The following MRPL50 variants were observed in gnomAD, a reference collection of about 807,000 sequenced individuals.
MRPL50 encodes the protein mitochondrial ribosomal protein L50, also known as large ribosomal subunit protein mL50.
In MRPL50, 10 loss-of-function variants were observed where a neutral mutation model predicts 16.2. That is an observed-to-expected ratio of 0.62 (90% confidence interval 0.38 to 1.05). The LOEUF (loss-of-function observed/expected upper bound fraction) is 1.05. MRPL50 is among the 50% of genes least tolerant of loss of function. The pLI is 0.01. For missense variants in MRPL50, 213 were observed against 187.1 expected, an observed-to-expected ratio of 1.14 and a Z score of -0.81; for synonymous variants, 68 against 66.8, an observed-to-expected ratio of 1.02 and a Z score of -0.09.
intron 1 of MRPL50, among the ~76,000 whole-genome samples, chr9:101,391,544 T>C (rs1328496083): frequency 3.3e-5 from 5 of 152,114 alleles, no homozygotes; most frequent in Admixed American, 2.0e-4. Flanking sequence ...GCTATACTTA[T>C]ATCAGATAAA....
intron 1 of MRPL50, among the ~76,000 whole-genome samples, chr9:101,394,377 G>A (rs1366332520): frequency 6.6e-6 from 1 of 152,150 alleles, no homozygotes; most frequent in African/African-American, 2.4e-5. Context: ...ACCAAAGCCG[G>A]TAATCTGGCT....
intron 1 of MRPL50, among the ~76,000 whole-genome samples, chr9:101,392,767 G>T (rs1167514428): frequency 6.6e-6 from 1 of 151,844 alleles, no homozygotes; most frequent in African/African-American, 2.4e-5. Context: ...GAAGAGGAGA[G>T]AATACTTCCA....
chr9:101,393,374 C>T (rs1309485379), intron 1 of MRPL50, among the ~76,000 whole-genome samples: 1 of 151,836 alleles, frequency 6.6e-6, no homozygotes, highest in African/African-American at 2.4e-5. Flanking sequence ...CTAGCCACAG[C>T]AATTAGACAA....
intron 1 of MRPL50, among the ~76,000 whole-genome samples, chr9:101,393,888 C>T (rs927704434): frequency 3.4e-5 from 5 of 146,830 alleles, no homozygotes; most frequent in African/African-American, 1.3e-4. Flanking sequence ...TCAATGTAAT[C>T]TTTATCAAAA....
rs1427375392 is a variant in MRPL50, at chr9:101,389,930, A to G, written c.*536T>C. ...GGAAAGAAATGGCAAGGCAGAGCGCAAGCAAATTTCACTTAAAAAATTTAC... is the reference window on the plus strand; with the variant it reads ...GGAAAGAAATGGCAAGGCAGAGCGCGAGCAAATTTCACTTAAAAAATTTAC... On this transcript the variant is annotated 3_prime_UTR_variant, in exon 2 of 2. Transcript: ENST00000374865. 5 of 847,076 alleles carry G rather than the reference A, an allele frequency of 5.9e-6. No individual in the cohort carries two copies. Among genetic ancestry groups the G allele is most frequent in the African/African-American group, 1.8e-5 (1 of 54,176 alleles). The allele number at this position is 847,076 out of a possible 1,614,324, so 52.5% of individuals were successfully genotyped here. A position where few individuals can be genotyped will look rare whatever the true frequency, so the allele number is the denominator to read the frequency against.
Position 101,389,733 on chromosome 9 carries a change from G to T in MRPL50, c.*733C>A. The T allele has an allele frequency of 4.0e-6, 1 of 252,320 alleles. No individual in the cohort carries two copies. The highest frequency in any genetic ancestry group is 7.6e-6 in the Non-Finnish European group (1 of 131,278). 15.6% of individuals were successfully genotyped at this position (252,320 alleles called of 1,614,324 possible). On this transcript the variant is annotated 3_prime_UTR_variant, in exon 2 of 2. Transcript: ENST00000374865. Reference sequence around the variant, plus strand: ...AAGCACAAAGACTTGCCACTCTAGTGAATACTCAGCACCACTTTTTAAAAG... The same window carrying T: ...AAGCACAAAGACTTGCCACTCTAGTTAATACTCAGCACCACTTTTTAAAAG...
Position 101,389,491 on chromosome 9 carries a change from G to A in MRPL50, c.*975C>T. 1 of 1,284,336 alleles carries A rather than the reference G, an allele frequency of 7.8e-7. No individual in the cohort carries two copies. The highest frequency in any genetic ancestry group is 1.2e-5 in the South Asian group (1 of 80,422). The allele number at this position is 1,284,336 out of a possible 1,614,324, so 79.6% of individuals were successfully genotyped here. On this transcript the variant is annotated 3_prime_UTR_variant, in exon 2 of 2. Coordinates refer to ENST00000374865, the MANE Select transcript of MRPL50 (RefSeq NM_019051.3). The stretch of plus-strand genomic sequence containing the variant: ...TGCCCTCTTCAAAGGAGTAACCCTG[G>A]GAAAGAGAATAAATGCAACTTATTT...
chr9:101,389,214 C>T lies in MRPL50; in HGVS notation c.*1252G>A, dbSNP rs1588148034. On this transcript the variant is annotated 3_prime_UTR_variant, in exon 2 of 2. Coordinates refer to ENST00000374865, the MANE Select transcript of MRPL50 (RefSeq NM_019051.3). ...GATTTAAAGTATATGGGAGGATGTG[C>T]ATACATAATATGCAAATACTACATC... The T allele has an allele frequency of 4.9e-6, 1 of 204,672 alleles. No homozygotes were observed. Among genetic ancestry groups the T allele is most frequent in the Admixed American group, 5.9e-5 (1 of 16,898 alleles). 12.7% of individuals were successfully genotyped at this position (204,672 alleles called of 1,614,324 possible). A position where few individuals can be genotyped will look rare whatever the true frequency, so the allele number is the denominator to read the frequency against.
rs1254048464 is a variant in MRPL50 at position 101,388,451 on chromosome 9, C to G, written c.*2015G>C. The G allele has an allele frequency of 6.6e-6, 1 of 152,052 alleles. No individual in the cohort carries two copies. Among genetic ancestry groups the G allele is most frequent in the South Asian group, 2.1e-4 (1 of 4,832 alleles). The allele number at this position is 152,052 out of a possible 1,614,324, so 9.4% of individuals were successfully genotyped here. The stretch of plus-strand genomic sequence containing the variant: ...GAAAATGAGATAATGAAATCCTGTA[C>G]ATAAAATTCCAATGATTCCATGCTG... On this transcript the variant is annotated 3_prime_UTR_variant, in exon 2 of 2. Transcript: ENST00000374865.
At position 101,398,488 on chromosome 9, in the gene MRPL50, C is replaced by G. The variant is rs1398135268; in HGVS notation, c.92+13G>C. 4 of 1,610,580 alleles carry G rather than the reference C, an allele frequency of 2.5e-6. No homozygotes were observed. Among genetic ancestry groups the G allele is most frequent in the African/African-American group, 1.3e-5 (1 of 74,936 alleles). On this transcript the variant is annotated intron_variant, in intron 1 of 1. Transcript: ENST00000374865. ...TCCTTGAACATGACCCACCGTCCAC[C>G]ATAAAGCTTTACCTGAATCGAGACC...
chr9:101,389,649 T>A lies in MRPL50; in HGVS notation c.*817A>T, dbSNP rs745886847. The A allele has an allele frequency of 5.9e-5, 21 of 355,888 alleles. No individual in the cohort carries two copies. The highest frequency in any genetic ancestry group is 9.7e-5 in the Non-Finnish European group (20 of 206,066). 22.0% of individuals were successfully genotyped at this position (355,888 alleles called of 1,614,324 possible). On this transcript the variant is annotated 3_prime_UTR_variant, in exon 2 of 2. Coordinates refer to ENST00000374865, the MANE Select transcript of MRPL50 (RefSeq NM_019051.3). ...AAAAATCCCAAATTTAACACCTTTG[T>A]CATTCAGAACCATCTGATAACCTGC... is the stretch of plus-strand genomic sequence containing the variant.
chr9:101,390,607 G>C lies in MRPL50; in HGVS notation c.336C>G (p.Val112=), dbSNP rs767276021. 6 of 1,613,458 alleles carry C rather than the reference G, an allele frequency of 3.7e-6. No homozygotes were observed. In the South Asian group the frequency reaches 6.6e-5, roughly 18 times the overall value. Residue 112 remains valine, a synonymous_variant, in exon 2 of 2, where the codon GTC becomes GTG. Coordinates refer to ENST00000374865, the MANE Select transcript of MRPL50 (RefSeq NM_019051.3). Reference sequence around the variant, plus strand: ...ACATCTGGTGGAGTCTGGAGTTAGGGACTACATGACCCAAGTCATCAGCTA... The same window carrying C: ...ACATCTGGTGGAGTCTGGAGTTAGGCACTACATGACCCAAGTCATCAGCTA... The part of the protein sequence containing the change: ...AHLADDLGHV[V]PNSRLHQMCR...
intron 1 of MRPL50, among the ~76,000 whole-genome samples, chr9:101,393,292 T>C (rs1830297127): frequency 1.3e-5 from 2 of 152,234 alleles, no homozygotes; most frequent in South Asian, 2.1e-4. Flanking sequence ...ACTCAAAGCC[T>C]TTCCTCTAAG....
At position 101,390,783 on chromosome 9, in the gene MRPL50, G is replaced by A. The variant is rs762834297; in HGVS notation, c.160C>T (p.Pro54Ser). 4 of 1,613,524 alleles carry A rather than the reference G, an allele frequency of 2.5e-6. No homozygotes were observed. The South Asian group carries it at 3.3e-5, about 13-fold the overall frequency. ...EKKEPILVCP[P>S]LRSRAYTPPE... is the part of the protein sequence containing the mutation. ...GGTGTGTATGCTCGGCTTCGTAAAG[G>A]TGGACACACTAGGATAGGTTCCTTT... is the stretch of plus-strand genomic sequence containing the variant. The change falls in exon 2 of 2, where the codon CCT becomes TCT. Residue 54 changes from proline to serine, a missense_variant. Transcript: ENST00000374865.
In MRPL50 at chr9:101,389,921, G is replaced by T; in HGVS notation, c.*545C>A. 2 of 785,804 alleles carry T rather than the reference G, an allele frequency of 2.5e-6. No homozygotes were observed. Among genetic ancestry groups the T allele is most frequent in the Non-Finnish European group, 3.1e-6 (2 of 647,914 alleles). 48.7% of individuals were successfully genotyped at this position (785,804 alleles called of 1,614,324 possible). On this transcript the variant is annotated 3_prime_UTR_variant, in exon 2 of 2. Transcript: ENST00000374865. Reference sequence around the variant, plus strand: ...ATACTTACTGGAAAGAAATGGCAAGGCAGAGCGCAAGCAAATTTCACTTAA... The same window carrying T: ...ATACTTACTGGAAAGAAATGGCAAGTCAGAGCGCAAGCAAATTTCACTTAA...
intron 1 of MRPL50, among the ~76,000 whole-genome samples, chr9:101,392,105 C>G (rs114304665): frequency 2.0e-5 from 3 of 151,848 alleles, no homozygotes; most frequent in Non-Finnish European, 4.4e-5. Context: ...AATTTTAAAA[C>G]GTCTTGAAGC....
Position 101,389,259 on chromosome 9 carries a change from G to C in MRPL50, c.*1207C>G. The C allele has an allele frequency of 4.1e-6, 1 of 246,670 alleles. No homozygotes were observed. The highest frequency in any genetic ancestry group is 8.2e-6 in the Non-Finnish European group (1 of 122,158). 15.3% of individuals were successfully genotyped at this position (246,670 alleles called of 1,614,324 possible). The stretch of plus-strand genomic sequence containing the variant: ...TACATCATTTTATAAAAGGGGCTTG[G>C]GCATCTGTGGACTTTGGTATCCAAG... On this transcript the variant is annotated 3_prime_UTR_variant, in exon 2 of 2. Transcript: ENST00000374865.
chr9:101,391,120 C>T (rs993128995), intron 1 of MRPL50, among the ~76,000 whole-genome samples: 2 of 152,014 alleles, frequency 1.3e-5, no homozygotes, highest in Non-Finnish European at 1.5e-5. Context: ...GTCTGGGATT[C>T]CCCATCCTCC....
chr9:101,396,514 C>T (rs985545069), intron 1 of MRPL50, among the ~76,000 whole-genome samples: 3 of 152,000 alleles, frequency 2.0e-5, no homozygotes, highest in Non-Finnish European at 2.9e-5. Flanking sequence ...CATATATACA[C>T]ACACAAAAAA....
Sources: allele counts gnomAD v4.1 joint callset (sites outside exome capture counted in the v4.1 genomes callset), GRCh38; gene constraint gnomAD v4.1.1; transcripts MANE v1.5; gene names NCBI Gene and HGNC (gene_info 2026-07-23, HGNC 2026-07-21).